Variants in CCDC102B observed in about 807,000 individuals in gnomAD.
CCDC102B encodes the protein coiled-coil domain containing 102B.
A neutral mutation model predicts 57.4 loss-of-function variants in CCDC102B; 75 were observed. The ratio of observed to expected loss-of-function variants is 1.31; its 90% CI spans 1.08 to 1.58. The LOEUF (loss-of-function observed/expected upper bound fraction) is 1.58, where lower values mean the gene tolerates loss of function less well. Ranked by LOEUF, CCDC102B falls within the 40% of genes most tolerant of loss-of-function variation. The pLI, the probability that CCDC102B is intolerant of heterozygous loss-of-function variation, is 0.00. For missense variants in CCDC102B, 636 were observed against 582.6 expected, an observed-to-expected ratio of 1.09 and a Z score of -0.94; for synonymous variants, 206 against 201.9, an observed-to-expected ratio of 1.02 and a Z score of -0.17.
chr18:68,716,076 C>G (rs891875279), intron 1 of CCDC102B, among the ~76,000 whole-genome samples: 12 of 152,060 alleles, frequency 7.9e-5, no homozygotes, highest in African/African-American at 2.7e-4. Flanking sequence ...AGCGCAAGCC[C>G]TCTACAGATT....
At chr18:68,743,254 A>C (rs539642) in intron 2 of CCDC102B, among the ~76,000 whole-genome samples, 10 of 139,432 alleles carry the variant, frequency 7.2e-5, no homozygotes, top group Admixed American at 2.2e-4. Context: ...TAAATAAATA[A>C]AAAATTAGAC....
intron 6 of CCDC102B, among the ~76,000 whole-genome samples, chr18:68,901,219 C>T (rs890242887): frequency 3.3e-5 from 5 of 152,222 alleles, no homozygotes; most frequent in Admixed American, 2.6e-4. Flanking sequence ...CATCAACAAA[C>T]ACATGGGGAG....
At chr18:68,805,529 G>A (rs925007733) in intron 1 of CCDC102B, among the ~76,000 whole-genome samples, 6 of 152,144 alleles carry the variant, frequency 3.9e-5, no homozygotes, top group Admixed American at 3.9e-4. Flanking sequence ...GCACAGAATA[G>A]GGAGGAGAGA....
At chr18:68,761,769 A>G (rs952323054) in intron 2 of CCDC102B, among the ~76,000 whole-genome samples, 1 of 152,090 alleles carries the variant, frequency 6.6e-6, no homozygotes, top group Non-Finnish European at 1.5e-5. Context: ...TATCATGGTT[A>G]GTTGTGTATT....
chr18:69,056,619 A>C (rs2052819005), downstream of CCDC102B, among the ~76,000 whole-genome samples: 1 of 124,640 alleles, frequency 8.0e-6, no homozygotes, highest in African/African-American at 2.7e-5. Flanking sequence ...GAGGCCTGTT[A>C]ATTTAGATAG....
chr18:68,728,972 T>TA (rs2145198914), intron 2 of CCDC102B, among the ~76,000 whole-genome samples: 1 of 151,930 alleles, frequency 6.6e-6, no homozygotes, highest in South Asian at 2.1e-4. Context: ...TCTGCGGGAG[T>TA]AAATTTAAAA....
chr18:69,036,167 A>T (rs1429597622), intron 7 of CCDC102B, among the ~76,000 whole-genome samples: 1 of 152,144 alleles, frequency 6.6e-6, no homozygotes, highest in Non-Finnish European at 1.5e-5. Flanking sequence ...AGTCTGCAGC[A>T]TCTAACAGGC....
At chr18:68,963,933 C>T (rs1350966234) in intron 6 of CCDC102B, among the ~76,000 whole-genome samples, 1 of 151,836 alleles carries the variant, frequency 6.6e-6, no homozygotes, top group Non-Finnish European at 1.5e-5. Context: ...TAAATGTCTT[C>T]TTCTCCATCA....
chr18:69,037,666 A>T (rs1010543204), intron 7 of CCDC102B, among the ~76,000 whole-genome samples: 1 of 152,084 alleles, frequency 6.6e-6, no homozygotes, highest in African/African-American at 2.4e-5. Flanking sequence ...GAAGAGAAAG[A>T]GTAAAACAAA....
At chr18:69,023,342 G>T (rs781083221) in intron 7 of CCDC102B, among the ~76,000 whole-genome samples, 3 of 152,066 alleles carry the variant, frequency 2.0e-5, no homozygotes, top group African/African-American at 4.8e-5. Context: ...TAAAAAAACA[G>T]TATCTCTTAA....
chr18:68,715,784 A>G (rs1430484394), intron 1 of CCDC102B, among the ~76,000 whole-genome samples: 1 of 152,232 alleles, frequency 6.6e-6, no homozygotes, highest in Non-Finnish European at 1.5e-5. Flanking sequence ...TAAAAACCAT[A>G]TACTTTTATA....
rs769875541 is a variant in CCDC102B at position 68,897,303 on chromosome 18, A to G, written c.1138A>G (p.Asn380Asp). The change falls in exon 6 of 8, where the codon AAT becomes GAT. Residue 380 changes from asparagine (N) to aspartate (D), a missense_variant. Transcript: ENST00000360242. ...AGAAAAGCAGGGACTGGAGAGAGAA[A>G]ATAGAAGGCTGAAGATCCAGGTGAA... The part of the protein sequence containing the change: ...EREKQGLERE[N>D]RRLKIQVKEM... The G allele has an allele frequency of 4.3e-6, 7 of 1,613,122 alleles. No individual in the cohort carries two copies. Among genetic ancestry groups the G allele is most frequent in the Non-Finnish European group, 5.9e-6 (7 of 1,179,368 alleles).
chr18:68,805,067 AACAG>A (rs900039497), intron 1 of CCDC102B, among the ~76,000 whole-genome samples: 2 of 152,154 alleles, frequency 1.3e-5, no homozygotes, highest in Non-Finnish European at 2.9e-5. Flanking sequence ...TCTCTATAAA[AACAG>A]ACAGAATAAC....
intron 1 of CCDC102B, among the ~76,000 whole-genome samples, chr18:68,825,163 A>C (rs1568271163): frequency 6.6e-6 from 1 of 152,240 alleles, no homozygotes; most frequent in South Asian, 2.1e-4. Flanking sequence ...ATTGAGAGAC[A>C]TTAAAATGAT....
intron 1 of CCDC102B, among the ~76,000 whole-genome samples, chr18:68,830,197 A>G (rs891431918): frequency 6.6e-6 from 1 of 152,000 alleles, no homozygotes; most frequent in African/African-American, 2.4e-5. Context: ...TTACATAGTA[A>G]TGTAAATTTC....
chr18:69,047,831 G>C (rs1410105612), intron 7 of CCDC102B, among the ~76,000 whole-genome samples: 1 of 151,960 alleles, frequency 6.6e-6, no homozygotes, highest in Non-Finnish European at 1.5e-5. Flanking sequence ...AGCTAACCAG[G>C]GAGGTAAAAT....
chr18:68,929,998 A>G (rs1300819106), intron 6 of CCDC102B, among the ~76,000 whole-genome samples: 2 of 151,682 alleles, frequency 1.3e-5, no homozygotes, highest in African/African-American at 4.8e-5. Context: ...TGTCATCTAC[A>G]CTAGCTCAGA....
At chr18:69,057,687 C>T (rs1326431182), downstream of CCDC102B, among the ~76,000 whole-genome samples, 1 of 152,014 alleles carries the variant, frequency 6.6e-6, no homozygotes, top group Non-Finnish European at 1.5e-5. Context: ...TGTATAGGAA[C>T]AGCTAGGAGT....
At chr18:68,795,938 A>T (rs1004074942), upstream of CCDC102B, among the ~76,000 whole-genome samples, 15 of 152,198 alleles carry the variant, frequency 9.9e-5, no homozygotes, top group African/African-American at 2.4e-4. Context: ...AAGAAAAGTA[A>T]TAAGAGAGGG....
Sources: allele counts gnomAD v4.1 joint callset (sites outside exome capture counted in the v4.1 genomes callset), GRCh38; gene constraint gnomAD v4.1.1; transcripts MANE v1.5; gene names NCBI Gene and HGNC (gene_info 2026-07-23, HGNC 2026-07-21).